Variants in CCDC88C observed in about 807,000 individuals in gnomAD.
The protein encoded by CCDC88C is protein Daple.
A neutral mutation model predicts 198.8 loss-of-function variants in CCDC88C; 131 were observed. The observed-to-expected ratio is 0.66, with a 90% CI of 0.57 to 0.76. CCDC88C has a LOEUF of 0.76. CCDC88C is among the 30% of genes least tolerant of loss of function. The pLI is 0.00. For missense variants in CCDC88C, 2,553 were observed against 2,631.6 expected, an observed-to-expected ratio of 0.97 and a Z score of 0.65; for synonymous variants, 1,166 against 1,114.7, an observed-to-expected ratio of 1.05 and a Z score of -0.92.
Position 91,276,109 on chromosome 14 carries a change from C to G in CCDC88C, c.5058+1813G>C, listed in dbSNP as rs111899584. Among the ~76,000 whole-genome samples, 353 of 152,290 alleles carry G rather than the reference C, an allele frequency of 2.3e-3. 2 individuals are homozygous for G. Among genetic ancestry groups the G allele is most frequent in the African/African-American group, 8.3e-3 (343 of 41,548 alleles). On this transcript the variant is annotated intron_variant, in intron 29 of 29. Transcript: ENST00000389857. ...TGCTGGGATTACAGGCGTGAGCCAC[C>G]GCGCCCGGCCAGACCAGTGGTTCTT...
At chr14:91,385,956 G>T (rs1278504588) in intron 3 of CCDC88C, among the ~76,000 whole-genome samples, 1 of 152,194 alleles carries the variant, frequency 6.6e-6, no homozygotes, top group Non-Finnish European at 1.5e-5. Context: ...CATTGGGCCA[G>T]GAGCAGAATG....
Position 91,313,700 on chromosome 14 carries a change from T to G in CCDC88C, c.2116A>C (p.Asn706His). Residue 706 changes from asparagine to histidine, a missense_variant, in exon 15 of 30, where the codon AAC becomes CAC. Physicochemically the swap from Asn to His is moderately conservative, Grantham distance 68. This residue lies in a region of CCDC88C where 1,260 missense variants were observed against 1,412.0 expected (regional missense o/e 0.89). Coordinates refer to ENST00000389857, the MANE Select transcript of CCDC88C (RefSeq NM_001080414.4). This position sits in a 1 kb window ranked among gnomAD's most constrained non-coding sequence, Gnocchi z 5.2. ...TCCACCAGCCTGCGCAGCTCCAGGTTCTCTGCGTCCAGCTGCTTGTTGTCA... is the reference window on the plus strand; with the variant it reads ...TCCACCAGCCTGCGCAGCTCCAGGTGCTCTGCGTCCAGCTGCTTGTTGTCA... ...ERDNKQLDAENLELRRLVETM... is the reference protein window; with the variant it reads ...ERDNKQLDAEHLELRRLVETM... The G allele has an allele frequency of 6.2e-7, 1 of 1,611,242 alleles. No homozygotes were observed.
intron 1 of CCDC88C, chr14:91,417,245 A>C: frequency 2.9e-6 from 2 of 700,810 alleles, no homozygotes; most frequent in Non-Finnish European, 5.2e-6. Flanking sequence ...GATTCAGAAA[A>C]ACTACATGAG....
At chr14:91,398,988 G>T (rs1032136711) in intron 3 of CCDC88C, among the ~76,000 whole-genome samples, 2 of 152,192 alleles carry the variant, frequency 1.3e-5, no homozygotes, top group African/African-American at 4.8e-5. Flanking sequence ...GCAGCCCTGT[G>T]TGCTGGTGCC....
chr14:91,345,380 C>T (rs913077862), intron 4 of CCDC88C, among the ~76,000 whole-genome samples: 6 of 150,730 alleles, frequency 4.0e-5, no homozygotes, highest in East Asian at 1.9e-4. Flanking sequence ...TTAGTAGAGA[C>T]GGGGGTTTCA....
chr14:91,299,927 C>T lies in CCDC88C; in HGVS notation c.3779G>A (p.Arg1260Lys). The T allele has an allele frequency of 1.3e-6, 2 of 1,585,072 alleles. No homozygotes were observed. The highest frequency in any genetic ancestry group is 1.7e-6 in the Non-Finnish European group (2 of 1,170,264). The change falls in exon 21 of 30, where the codon AGG (arginine) becomes AAG (lysine). Residue 1260 changes from arginine to lysine, a missense_variant and splice_region_variant. Coordinates refer to ENST00000389857, the MANE Select transcript of CCDC88C (RefSeq NM_001080414.4). ...ENQRLRGELD[R>K]VNFLHHQLKG... The stretch of plus-strand genomic sequence containing the variant: ...TGCAGGGCCGGGCGCCGGCGCTCAC[C>T]TGTCCAGCTCGCCCCGCAGCCTCTG...
At chr14:91,405,811 G>A (rs1334114637) in intron 3 of CCDC88C, among the ~76,000 whole-genome samples, 1 of 152,142 alleles carries the variant, frequency 6.6e-6, no homozygotes, top group Non-Finnish European at 1.5e-5. Flanking sequence ...GCAGAACACC[G>A]TCCACATGGA....
chr14:91,293,119 CT>C (rs1890744377), intron 23 of CCDC88C, among the ~76,000 whole-genome samples: 1 of 148,956 alleles, frequency 6.7e-6, no homozygotes, highest in African/African-American at 2.5e-5. Flanking sequence ...CCTTCCCGTC[CT>C]CACTTGCCAC....
intron 4 of CCDC88C, among the ~76,000 whole-genome samples, chr14:91,354,463 G>C (rs1893953059): frequency 6.6e-6 from 1 of 152,208 alleles, no homozygotes. Context: ...ACACTCACCA[G>C]TAACCGCGAA....
chr14:91,341,400 T>C (rs943266721), intron 6 of CCDC88C, among the ~76,000 whole-genome samples: 2 of 152,138 alleles, frequency 1.3e-5, no homozygotes, highest in Non-Finnish European at 2.9e-5. Flanking sequence ...GGGTCTCTCA[T>C]GGGGCCCAGC....
Position 91,272,589 on chromosome 14 carries a change from G to C in CCDC88C, c.*36C>G. 6.3e-7 allele frequency: 1 copy of C among 1,575,618 alleles called. No homozygotes were observed. Among genetic ancestry groups the C allele is most frequent in the Non-Finnish European group, 8.6e-7 (1 of 1,161,008 alleles). ...GCCGTGAGAGTCGGAAGGCGCGTCA[G>C]TAGTTTTCAGGTTTGCGAGCTCAAC... On this transcript the variant is annotated 3_prime_UTR_variant, in exon 30 of 30. Transcript: ENST00000389857.
intron 13 of CCDC88C, among the ~76,000 whole-genome samples, chr14:91,319,665 G>T (rs1021704865): frequency 6.6e-6 from 1 of 152,138 alleles, no homozygotes; most frequent in Admixed American, 6.5e-5. Flanking sequence ...TTTATTGAGT[G>T]CTTACTATGT....
chr14:91,373,162 G>T (rs765541817), intron 3 of CCDC88C, among the ~76,000 whole-genome samples: 1 of 152,160 alleles, frequency 6.6e-6, no homozygotes, highest in Non-Finnish European at 1.5e-5. Context: ...CAGGACCAAG[G>T]AGGAAGAACT....
intron 3 of CCDC88C, among the ~76,000 whole-genome samples, chr14:91,372,528 CGGGGG>C (rs199749681): frequency 4.1e-5 from 1 of 24,534 alleles, no homozygotes. Context: ...GGCAGTGGTG[CGGGGG>C]GGGGCGGGCG....
chr14:91,376,389 C>T (rs61988429), intron 3 of CCDC88C, among the ~76,000 whole-genome samples: 26,076 of 152,154 alleles, frequency 0.17, 2,783 homozygotes, highest in Non-Finnish European at 0.25. Context: ...GTTTAGTGAG[C>T]CCCCGTCCCC....
At position 91,276,438 on chromosome 14, in the gene CCDC88C, A is replaced by T. The variant is rs112525718; in HGVS notation, c.5058+1484T>A. On this transcript the variant is annotated intron_variant, in intron 29 of 29. Coordinates refer to ENST00000389857, the MANE Select transcript of CCDC88C (RefSeq NM_001080414.4). ...TGAAGGAAGGCCAGGGCCATGTTTT[A>T]TATTTCTCTCGTGTCAACTGCAAGG... Among the ~76,000 whole-genome samples the T allele has an allele frequency of 2.3e-3, 356 of 152,354 alleles. 2 individuals carry two copies. Among genetic ancestry groups the T allele is most frequent in the African/African-American group, 8.3e-3 (346 of 41,584 alleles).
At chr14:91,417,481 G>A (rs1157714665) in intron 1 of CCDC88C, 150 bp downstream of exon 1, 1 of 614,998 alleles carries the variant, frequency 1.6e-6, no homozygotes, top group African/African-American at 2.0e-5. Context: ...TCCAGGACGC[G>A]GCCCCAACCC....
In CCDC88C at chr14:91,288,126, A is replaced by C. The variant is rs1478566786; in HGVS notation, c.4441+979T>G. ...AATTCTTATTTAGAAAAGCTCTTTC[A>C]ACAAGAGCGTAAGAAAAATTCGAAG... On this transcript the variant is annotated intron_variant, in intron 25 of 29. Transcript: ENST00000389857. This position sits in a 1 kb window ranked among gnomAD's most constrained non-coding sequence, Gnocchi z 4.2. Among the ~76,000 whole-genome samples, 2 of 152,248 alleles carry C rather than the reference A, an allele frequency of 1.3e-5. No homozygotes were observed. Among genetic ancestry groups the C allele is most frequent in the Non-Finnish European group, 2.9e-5 (2 of 68,038 alleles).
intron 3 of CCDC88C, among the ~76,000 whole-genome samples, chr14:91,380,138 T>C (rs899797561): frequency 6.6e-6 from 1 of 152,248 alleles, no homozygotes; most frequent in African/African-American, 2.4e-5. Context: ...CCCACATATA[T>C]GTTCAATCAA....
Sources: allele counts gnomAD v4.1 joint callset (sites outside exome capture counted in the v4.1 genomes callset), GRCh38; gene constraint gnomAD v4.1.1; regional missense constraint gnomAD v4.1.1; non-coding constraint Gnocchi (gnomAD v3.1); transcripts MANE v1.5; gene names NCBI Gene and HGNC (gene_info 2026-07-23, HGNC 2026-07-21).